FMN1: variants seen among roughly 807,000 people sequenced by gnomAD.
FMN1 encodes the protein formin-1.
A neutral mutation model predicts 132.4 loss-of-function variants in FMN1; 110 were observed. The ratio of observed to expected loss-of-function variants is 0.83; its 90% CI spans 0.71 to 0.97. The LOEUF (loss-of-function observed/expected upper bound fraction) is 0.97, where lower values mean the gene tolerates loss of function less well. Ranked by LOEUF, FMN1 falls within the 50% of genes least tolerant of loss-of-function variation. The pLI is 0.00. For missense variants in FMN1, 1,792 were observed against 1,705.3 expected, an observed-to-expected ratio of 1.05 and a Z score of -0.90; for synonymous variants, 722 against 651.7, an observed-to-expected ratio of 1.11 and a Z score of -1.64.
chr15:32,993,204 T>C (rs163835), intron 7 of FMN1, among the ~76,000 whole-genome samples: 75,395 of 152,088 alleles, frequency 0.5, 20,567 homozygotes, highest in East Asian at 0.77. Flanking sequence ...CCATTTGGTA[T>C]GAATATATTA....
At chr15:32,893,898 C>T (rs982798571) in intron 15 of FMN1, among the ~76,000 whole-genome samples, 4 of 152,214 alleles carry the variant, frequency 2.6e-5, no homozygotes, top group African/African-American at 7.2e-5. Context: ...GTAGGTACTA[C>T]CAATAAATCT....
intron 16 of FMN1, among the ~76,000 whole-genome samples, chr15:32,866,630 G>A (rs1244439437): frequency 1.3e-5 from 2 of 152,116 alleles, no homozygotes; most frequent in Non-Finnish European, 2.9e-5. Flanking sequence ...CATTTTCCCA[G>A]TCCAACTGTC....
At chr15:33,024,588 G>C (rs1281468941) in intron 6 of FMN1, among the ~76,000 whole-genome samples, 1 of 152,122 alleles carries the variant, frequency 6.6e-6, no homozygotes, top group East Asian at 1.9e-4. Flanking sequence ...CTAACTGCTG[G>C]TGAGAATGCA....
intron 17 of FMN1, among the ~76,000 whole-genome samples, chr15:32,823,998 G>C (rs943248881): frequency 6.6e-6 from 1 of 152,162 alleles, no homozygotes; most frequent in African/African-American, 2.4e-5. Context: ...CTTCTTTACA[G>C]GTCTATAAAA....
At chr15:33,087,343 C>T (rs1352607009) in intron 5 of FMN1, among the ~76,000 whole-genome samples, 1 of 152,052 alleles carries the variant, frequency 6.6e-6, no homozygotes, top group Non-Finnish European at 1.5e-5. Flanking sequence ...GTCAAGAGTT[C>T]GAGAACAGCC....
At chr15:32,902,593 C>T (rs1284726418) in intron 12 of FMN1, among the ~76,000 whole-genome samples, 39 of 152,158 alleles carry the variant, frequency 2.6e-4, no homozygotes, top group Non-Finnish European at 7.4e-5. Flanking sequence ...TACTTTTTCA[C>T]ATTAACTTAC....
intron 6 of FMN1, among the ~76,000 whole-genome samples, chr15:33,049,206 C>G (rs943297285): frequency 2.0e-5 from 3 of 152,014 alleles, no homozygotes; most frequent in Non-Finnish European, 2.9e-5. Flanking sequence ...AGAACCTAAC[C>G]AGAAAGGGGG....
At chr15:33,042,886 G>A (rs373206876) in intron 6 of FMN1, among the ~76,000 whole-genome samples, 3 of 151,976 alleles carry the variant, frequency 2.0e-5, no homozygotes, top group East Asian at 3.9e-4. Flanking sequence ...CCATGTCATG[G>A]GATTCCATAG....
Position 33,039,488 on chromosome 15 carries a change from G to C in FMN1, c.2161+25469C>G, listed in dbSNP as rs141792084. Among the ~76,000 whole-genome samples, 479 of 152,302 alleles carry C rather than the reference G, an allele frequency of 3.1e-3. 3 individuals carry two copies. Among genetic ancestry groups the C allele is most frequent in the Middle Eastern group, 0.01 (3 of 294 alleles). On this transcript the variant is annotated intron_variant, in intron 6 of 20. Transcript: ENST00000616417. ...TTTTTATGTAAATTGTTATTAGACA[G>C]CTGGTTTTATGAAACGTTCTGCTGG...
At chr15:33,165,593 G>A (rs2140309710) in intron 3 of FMN1, among the ~76,000 whole-genome samples, 1 of 152,236 alleles carries the variant, frequency 6.6e-6, no homozygotes, top group African/African-American at 2.4e-5. Context: ...GGGTTTCACT[G>A]TGTTAGCCAG....
Position 32,798,885 on chromosome 15 carries a change from T to C in FMN1, c.4049A>G (p.Tyr1350Cys). The C allele has an allele frequency of 1.2e-6, 2 of 1,613,326 alleles. No homozygotes were observed. The change falls in exon 19 of 21, where the codon TAC becomes TGC. Residue 1350 changes from tyrosine (Y) to cysteine (C), a missense_variant. Transcript: ENST00000616417. Reference sequence around the variant, plus strand: ...GAACTCATACCACACCATAAACACGTAGCTGGGTGTGATCTCCTTCTCACC... The same window carrying C: ...GAACTCATACCACACCATAAACACGCAGCTGGGTGTGATCTCCTTCTCACC... ...KSGEKEITPS[Y>C]VFMVWYEFCS...
Position 32,812,543 on chromosome 15 carries a change from T to C in FMN1, c.3929-8211A>G, listed in dbSNP as rs191003965. On this transcript the variant is annotated intron_variant, in intron 17 of 20. Transcript: ENST00000616417. The stretch of plus-strand genomic sequence containing the variant: ...AATTTTATTCTTCCCTCAAGGACAC[T>C]GAAAAAACTGTCTATTGTGCTCCTG... Among the ~76,000 whole-genome samples the C allele has an allele frequency of 5.3e-5, 8 of 152,364 alleles. No individual in the cohort carries two copies. In the East Asian group the frequency reaches 1.5e-3, roughly 29 times the overall value.
rs577766691 is a variant in FMN1, at chr15:32,963,313, A to G, written c.3138+794T>C. ...AACAATGAGAACACGTGGACACAGG[A>G]AGGGGAACATCACACTCTGGGGACT... On this transcript the variant is annotated intron_variant, in intron 9 of 20. Coordinates refer to ENST00000616417, the MANE Select transcript of FMN1 (RefSeq NM_001277313.2). 4.9e-4 allele frequency among the ~76,000 whole-genome samples: 65 copies of G among 132,610 alleles called. 1 individual carries two copies. Among genetic ancestry groups the G allele is most frequent in the African/African-American group, 1.8e-3 (65 of 36,080 alleles). The allele number at this position is 132,610 out of a possible 152,430, so 87.0% of individuals were successfully genotyped here.
At chr15:32,939,022 G>C (rs1228721079) in intron 9 of FMN1, among the ~76,000 whole-genome samples, 1 of 152,198 alleles carries the variant, frequency 6.6e-6, no homozygotes, top group Non-Finnish European at 1.5e-5. Context: ...AGAACGACCT[G>C]TTACTACATC....
chr15:32,908,803 GATGCATGCTCAAGTTTGAGATTCA>G (rs2060490631), intron 11 of FMN1, among the ~76,000 whole-genome samples: 1 of 152,080 alleles, frequency 6.6e-6, no homozygotes, highest in African/African-American at 2.4e-5. Flanking sequence ...GGGTGATTCT[GATGCATGCTCAAGTTTGAGATTCA>G]ATGCAAATGG....
chr15:33,007,374 G>C (rs1031219060), intron 7 of FMN1, among the ~76,000 whole-genome samples: 4 of 152,154 alleles, frequency 2.6e-5, no homozygotes, highest in Admixed American at 2.0e-4. Context: ...TCAGTATCCA[G>C]TTATTTGAAG....
At chr15:32,792,716 A>G (rs920942815) in intron 19 of FMN1, among the ~76,000 whole-genome samples, 1 of 152,072 alleles carries the variant, frequency 6.6e-6, no homozygotes, top group Admixed American at 6.5e-5. Context: ...TGATGTGTGC[A>G]CCTTCCAGCT....
chr15:33,174,612 C>T (rs1295894950), intron 3 of FMN1, among the ~76,000 whole-genome samples: 1 of 152,180 alleles, frequency 6.6e-6, no homozygotes, highest in East Asian at 1.9e-4. Flanking sequence ...GTTAATTAGA[C>T]AATTCCTTAG....
chr15:33,081,804 G>T (rs929682916), intron 5 of FMN1, among the ~76,000 whole-genome samples: 1 of 152,058 alleles, frequency 6.6e-6, no homozygotes, highest in African/African-American at 2.4e-5. Context: ...GGAAGTGATC[G>T]GTAAGACATG....
Sources: allele counts gnomAD v4.1 joint callset (sites outside exome capture counted in the v4.1 genomes callset), GRCh38; gene constraint gnomAD v4.1.1; transcripts MANE v1.5; gene names NCBI Gene and HGNC (gene_info 2026-07-23, HGNC 2026-07-21).